Variants in CD2AP observed in about 807,000 individuals in gnomAD.
CD2AP encodes CD2-associated protein.
CD2AP carries 46 observed loss-of-function variants against 85.1 expected under a neutral mutation model. That is an observed-to-expected ratio of 0.54 (90% CI 0.43 to 0.69). The LOEUF is 0.69. Ranked by LOEUF, CD2AP falls within the 30% of genes least tolerant of loss-of-function variation. The pLI, the probability that CD2AP is intolerant of heterozygous loss-of-function variation, is 0.00. For missense variants in CD2AP, 769 were observed against 729.5 expected, an observed-to-expected ratio of 1.05 and a Z score of -0.62; for synonymous variants, 255 against 252.9, an observed-to-expected ratio of 1.01 and a Z score of -0.08.
At chr6:47,591,078 A>G (rs1262201333) in intron 11 of CD2AP, among the ~76,000 whole-genome samples, 3 of 152,194 alleles carry the variant, frequency 2.0e-5, no homozygotes, top group Non-Finnish European at 4.4e-5. Context: ...CAGCAAAAGA[A>G]TGGGTAAAAG....
At chr6:47,574,030 G>C (rs1398814261) in intron 5 of CD2AP, 34 bp from the exon 6 acceptor site, 2 of 1,571,386 alleles carry the variant, frequency 1.3e-6, no homozygotes, top group East Asian at 2.2e-5. Context: ...TGTGATTCTA[G>C]GTGTCATTCT....
chr6:47,619,950 A>G (rs574346347), intron 17 of CD2AP, among the ~76,000 whole-genome samples: 2 of 152,294 alleles, frequency 1.3e-5, no homozygotes, highest in Admixed American at 1.3e-4. Context: ...GGTTTGTTGT[A>G]GATTCTGGAT....
rs921831397 is a variant in CD2AP, at chr6:47,503,599, T to C, written c.165+159T>C. 3.9e-5 allele frequency among the ~76,000 whole-genome samples: 6 copies of C among 152,330 alleles called. No homozygotes were observed. The South Asian group carries it at 8.3e-4, about 21-fold the overall frequency. ...CCAGGTACCTCTATAATGGATATCA[T>C]TGTTGCTCTGTGTCCTGCTGGATAG... On this transcript the variant is annotated intron_variant, in intron 2 of 17. Coordinates refer to ENST00000359314, the MANE Select transcript of CD2AP (RefSeq NM_012120.3).
chr6:47,552,870 C>T (rs1014792660), intron 4 of CD2AP, among the ~76,000 whole-genome samples: 1 of 152,220 alleles, frequency 6.6e-6, no homozygotes, highest in East Asian at 1.9e-4. Flanking sequence ...ATTCTAGCAC[C>T]CATTTTTATT....
intron 3 of CD2AP, 37 bp from the exon 4 acceptor site, chr6:47,544,569 T>C (rs1343450155): frequency 1.6e-6 from 2 of 1,288,284 alleles, no homozygotes; most frequent in South Asian, 1.2e-5. Context: ...AAAATGATCA[T>C]TCTTAATCTA....
rs147421544 is a variant in CD2AP, at chr6:47,624,919, G to A, written c.*692G>A. On this transcript the variant is annotated 3_prime_UTR_variant, in exon 18 of 18. Transcript: ENST00000359314. ...TTCATCAACTTTTAGAATATTTTAT[G>A]TTGCTTGCACTATAGGAGTCATAAA... is the stretch of plus-strand genomic sequence containing the variant. 1.3e-5 allele frequency: 2 copies of A among 151,890 alleles called. No individual in the cohort carries two copies. Among genetic ancestry groups the A allele is most frequent in the African/African-American group, 4.8e-5 (2 of 41,474 alleles). 9.4% of individuals were successfully genotyped at this position (151,890 alleles called of 1,614,324 possible).
At chr6:47,494,209 G>T (rs1236633813) in intron 1 of CD2AP, among the ~76,000 whole-genome samples, 1 of 152,116 alleles carries the variant, frequency 6.6e-6, no homozygotes, top group African/African-American at 2.4e-5. Context: ...TATCTGCCTA[G>T]GAGTTGGATT....
At chr6:47,585,623 C>G (rs1768606593) in intron 11 of CD2AP, among the ~76,000 whole-genome samples, 1 of 152,148 alleles carries the variant, frequency 6.6e-6, no homozygotes, top group African/African-American at 2.4e-5. Context: ...CGGGCAGCTA[C>G]AATTTGTGGG....
chr6:47,524,194 G>A (rs1477655510), intron 2 of CD2AP, among the ~76,000 whole-genome samples: 1 of 152,072 alleles, frequency 6.6e-6, no homozygotes, highest in African/African-American at 2.4e-5. Context: ...TTTCGGCTAA[G>A]GTATTTCAGA....
At chr6:47,495,308 C>T (rs1444001113) in intron 1 of CD2AP, among the ~76,000 whole-genome samples, 3 of 152,010 alleles carry the variant, frequency 2.0e-5, no homozygotes, top group African/African-American at 7.2e-5. Flanking sequence ...GGAACAGTCA[C>T]GTCAAGATGG....
At chr6:47,500,472 G>A (rs1359680822) in intron 1 of CD2AP, among the ~76,000 whole-genome samples, 1 of 152,106 alleles carries the variant, frequency 6.6e-6, no homozygotes, top group Non-Finnish European at 1.5e-5. Flanking sequence ...CCCTTATCAT[G>A]TTGGGATGTT....
chr6:47,521,413 G>A (rs533699326), intron 2 of CD2AP, among the ~76,000 whole-genome samples: 101 of 152,140 alleles, frequency 6.6e-4, no homozygotes, highest in Admixed American at 3.3e-4. Flanking sequence ...TTAGCTGGGC[G>A]TGGTGGCGGG....
chr6:47,478,618 G>A (rs1325790921), intron 1 of CD2AP, among the ~76,000 whole-genome samples: 1 of 152,174 alleles, frequency 6.6e-6, no homozygotes, highest in African/African-American at 2.4e-5. Context: ...CTCCTCGTGG[G>A]ATGGGGGAGG....
intron 3 of CD2AP, among the ~76,000 whole-genome samples, chr6:47,537,237 GAA>G (rs1767075539): frequency 1.3e-5 from 2 of 152,292 alleles, no homozygotes; most frequent in South Asian, 4.1e-4. Flanking sequence ...CAGTGCTGAA[GAA>G]AATAGTAACA....
At chr6:47,508,876 TC>T (rs1185123890) in intron 2 of CD2AP, among the ~76,000 whole-genome samples, 1 of 152,328 alleles carries the variant, frequency 6.6e-6, no homozygotes, top group African/African-American at 2.4e-5. Flanking sequence ...TGTTTTACTT[TC>T]TTATCATTGG....
At chr6:47,570,316 C>T (rs1391385151) in intron 5 of CD2AP, among the ~76,000 whole-genome samples, 3 of 151,902 alleles carry the variant, frequency 2.0e-5, no homozygotes, top group Admixed American at 6.6e-5. Context: ...GGTTTAGGCT[C>T]GATAGACAGA....
At chr6:47,605,419 C>T (rs1463691025) in intron 13 of CD2AP, among the ~76,000 whole-genome samples, 1 of 151,808 alleles carries the variant, frequency 6.6e-6, no homozygotes, top group Non-Finnish European at 1.5e-5. Flanking sequence ...TAGATTTGTC[C>T]TTAAACCCAA....
rs200064899 is a variant in CD2AP, at chr6:47,533,260, A to G, written c.166-342A>G. On this transcript the variant is annotated intron_variant, in intron 2 of 17. Coordinates refer to ENST00000359314, the MANE Select transcript of CD2AP (RefSeq NM_012120.3). ...GTCTGCAAATTGTAAAATATTTACT[A>G]TCTGGCACTTTATAGAAAGTTTGTT... Among the ~76,000 whole-genome samples the G allele has an allele frequency of 1.3e-4, 20 of 152,178 alleles. No individual in the cohort carries two copies. In the East Asian group the frequency reaches 3.7e-3, roughly 28 times the overall value.
At chr6:47,543,829 T>A (rs1228677905) in intron 3 of CD2AP, among the ~76,000 whole-genome samples, 1 of 152,194 alleles carries the variant, frequency 6.6e-6, no homozygotes, top group East Asian at 1.9e-4. Flanking sequence ...TAAGTAGATG[T>A]GGGGTGGAGC....
Sources: gnomAD v4.1 joint callset for allele counts (sites outside exome capture counted in the v4.1 genomes callset) on GRCh38, gnomAD v4.1.1 for gene constraint, MANE v1.5 for transcripts, NCBI Gene and HGNC (gene_info 2026-07-23, HGNC 2026-07-21) for gene names.